Variants in DLG2 observed in about 807,000 individuals in gnomAD.
DLG2 encodes the protein disks large homolog 2.
DLG2 carries 45 observed loss-of-function variants against 132.5 expected under a neutral mutation model. The ratio of observed to expected loss-of-function variants is 0.34; its 90% CI spans 0.27 to 0.44. The LOEUF is 0.44. DLG2 is among the 20% of genes least tolerant of loss of function. The pLI, the probability that DLG2 is intolerant of heterozygous loss-of-function variation, is 1.00. For synonymous variants in DLG2, 424 were observed against 419.6 expected (o/e 1.01, Z -0.13); for missense variants, 1,045 against 1,196.9 (o/e 0.87, Z 1.87).
At position 85,141,229 on chromosome 11, in the gene DLG2, CATT is replaced by C. The variant is rs1329923334; in HGVS notation, c.282+13324_282+13326del. Among the ~76,000 whole-genome samples the C allele has an allele frequency of 2.0e-5, 3 of 151,804 alleles. No individual in the cohort carries two copies. The East Asian group carries it at 5.8e-4, about 29-fold the overall frequency. On this transcript the variant is annotated intron_variant, in intron 5 of 27. Transcript: ENST00000376104. ...CTTTCTCCACATCCTCACCAGAACT[CATT>C]ATTTCCTGCCTTTTGGATAAAAGCC...
chr11:83,704,901 T>C (rs997053730), intron 18 of DLG2, among the ~76,000 whole-genome samples: 8 of 152,146 alleles, frequency 5.3e-5, no homozygotes, highest in Admixed American at 1.3e-4. Flanking sequence ...TATTAAGTTA[T>C]TCAGACTAAA....
chr11:85,625,144 C>T (rs563009145), intron 2 of DLG2: 2 of 152,356 alleles, frequency 1.3e-5, no homozygotes, highest in African/African-American at 4.8e-5. Flanking sequence ...CCTTCCCATT[C>T]TCTCTTCCTT....
chr11:84,591,223 C>CTCTGTGTGTGTGTGTGTGTGTGTG (rs1555073566), intron 6 of DLG2, among the ~76,000 whole-genome samples: 2 of 139,222 alleles, frequency 1.4e-5, no homozygotes, highest in Non-Finnish European at 3.0e-5. Flanking sequence ...ATGTGTCTCT[C>CTCTGTGTGTGTGTGTGTGTGTGTG]TGTGTGTGTG....
intron 17 of DLG2, among the ~76,000 whole-genome samples, chr11:83,819,501 GAAAAAGAAAAGAAA>G (rs2050140884): frequency 1.2e-5 from 1 of 86,460 alleles, no homozygotes; most frequent in African/African-American, 5.4e-5. Context: ...AAGAAGAAAA[GAAAAAGAAAAGAAA>G]AAGAAAAGAA....
At chr11:83,611,016 T>G (rs1243092941) in intron 19 of DLG2, among the ~76,000 whole-genome samples, 1 of 152,208 alleles carries the variant, frequency 6.6e-6, no homozygotes, top group Admixed American at 6.5e-5. Context: ...GCTTAAAAAT[T>G]AACACAAAAA....
intron 6 of DLG2, among the ~76,000 whole-genome samples, chr11:84,768,355 A>G (rs2068738135): frequency 6.6e-6 from 1 of 152,152 alleles, no homozygotes; most frequent in Admixed American, 6.5e-5. Flanking sequence ...TTAATGCCAT[A>G]TTCACCATTA....
At chr11:85,133,366 C>T (rs371388009) in intron 5 of DLG2, among the ~76,000 whole-genome samples, 6 of 152,150 alleles carry the variant, frequency 3.9e-5, no homozygotes, top group Admixed American at 6.5e-5. Flanking sequence ...TTATTATGAG[C>T]ATGATTGCCG....
chr11:85,309,027 T>C (rs2080145312), intron 3 of DLG2, among the ~76,000 whole-genome samples: 1 of 152,106 alleles, frequency 6.6e-6, no homozygotes, highest in Admixed American at 6.6e-5. Flanking sequence ...CTTTGGCCTA[T>C]AGAATAGGGA....
Position 83,956,032 on chromosome 11 carries a change from C to G in DLG2, c.1340+6853G>C, listed in dbSNP as rs2086737015. Among the ~76,000 whole-genome samples, 5 of 152,096 alleles carry G rather than the reference C, an allele frequency of 3.3e-5. No individual in the cohort carries two copies. In the South Asian group the frequency reaches 1.0e-3, roughly 32 times the overall value. On this transcript the variant is annotated intron_variant, in intron 14 of 27. Coordinates refer to ENST00000376104, the MANE Select transcript of DLG2 (RefSeq NM_001142699.3). The stretch of plus-strand genomic sequence containing the variant: ...TCCTTAATAAACTCCCCTTATACAT[C>G]CATCTCCTCTTATGCATCCATCCTA...
chr11:84,236,901 C>A (rs1262509151), intron 8 of DLG2, among the ~76,000 whole-genome samples: 3 of 151,490 alleles, frequency 2.0e-5, no homozygotes, highest in Non-Finnish European at 4.4e-5. Flanking sequence ...AATCTTTATT[C>A]CTGGGGTTGA....
intron 3 of DLG2, among the ~76,000 whole-genome samples, chr11:85,440,944 C>A (rs927206155): frequency 6.6e-6 from 1 of 152,096 alleles, no homozygotes; most frequent in Admixed American, 6.5e-5. Flanking sequence ...CATGGTGGTA[C>A]CTTGTCACGT....
chr11:83,769,862 G>A (rs766114738), intron 18 of DLG2, among the ~76,000 whole-genome samples: 9 of 152,032 alleles, frequency 5.9e-5, no homozygotes, highest in Non-Finnish European at 8.8e-5. Context: ...ACTGTGCCCC[G>A]CCTACCTTGT....
At chr11:85,408,824 C>G (rs1469126959) in intron 3 of DLG2, among the ~76,000 whole-genome samples, 1 of 151,456 alleles carries the variant, frequency 6.6e-6, no homozygotes. Flanking sequence ...GGTTCCAAGT[C>G]TTTGCTATTG....
chr11:84,875,804 C>A (rs1367888240), intron 6 of DLG2, among the ~76,000 whole-genome samples: 1 of 152,062 alleles, frequency 6.6e-6, no homozygotes, highest in African/African-American at 2.4e-5. Context: ...TGGTGGCGAT[C>A]TCAGCTCACT....
At chr11:84,081,261 T>G (rs946398125) in intron 10 of DLG2, among the ~76,000 whole-genome samples, 2 of 152,064 alleles carry the variant, frequency 1.3e-5, no homozygotes, top group African/African-American at 4.8e-5. Context: ...ACAGGCCAAT[T>G]CTAGGTCACT....
At chr11:84,332,506 G>A (rs1274435391) in intron 7 of DLG2, among the ~76,000 whole-genome samples, 5 of 122,392 alleles carry the variant, frequency 4.1e-5, no homozygotes, top group Admixed American at 4.0e-4. Flanking sequence ...CACCGCGCCT[G>A]GCTTTTTTTT....
At chr11:84,050,569 T>A (rs892214693) in intron 11 of DLG2, among the ~76,000 whole-genome samples, 3 of 151,980 alleles carry the variant, frequency 2.0e-5, no homozygotes, top group Non-Finnish European at 4.4e-5. Flanking sequence ...TTGCTTTTGG[T>A]GGTTTAGACA....
chr11:85,384,171 A>T (rs1006842296), intron 3 of DLG2, among the ~76,000 whole-genome samples: 3 of 152,146 alleles, frequency 2.0e-5, no homozygotes, highest in Admixed American at 6.5e-5. Context: ...ATCAGTTCTA[A>T]TCCTCACAAC....
At chr11:83,594,756 C>T (rs947085126) in intron 19 of DLG2, among the ~76,000 whole-genome samples, 3 of 152,100 alleles carry the variant, frequency 2.0e-5, no homozygotes, top group Non-Finnish European at 2.9e-5. Context: ...AATGTCCATT[C>T]CCAGGAGAGT....
Sources: allele counts gnomAD v4.1 joint callset (sites outside exome capture counted in the v4.1 genomes callset), GRCh38; gene constraint gnomAD v4.1.1; transcripts MANE v1.5; gene names NCBI Gene and HGNC (gene_info 2026-07-23, HGNC 2026-07-21).